Variants in EGFR observed in about 807,000 individuals in gnomAD.
The protein encoded by EGFR is avian erythroblastic leukemia viral (v-erb-b) oncogene homolog.
EGFR carries 58 observed loss-of-function variants against 143.0 expected under a neutral mutation model. The observed-to-expected ratio is 0.41, with a 90% CI of 0.33 to 0.50. The LOEUF (loss-of-function observed/expected upper bound fraction) is 0.50, where lower values mean the gene tolerates loss of function less well. Ranked by LOEUF, EGFR falls within the 20% of genes least tolerant of loss-of-function variation. The pLI, the probability that EGFR is intolerant of heterozygous loss-of-function variation, is 0.39. For synonymous variants in EGFR, 613 were observed against 594.4 expected (o/e 1.03, Z -0.45); for missense variants, 1,307 against 1,579.0 (o/e 0.83, Z 2.92).
At chr7:55,049,118 T>A (rs1230444406) in intron 1 of EGFR, among the ~76,000 whole-genome samples, 1 of 152,244 alleles carries the variant, frequency 6.6e-6, no homozygotes, top group East Asian at 1.9e-4. Flanking sequence ...ATTTTGCTGA[T>A]GCAATACAGT....
Position 55,192,758 on chromosome 7 carries a change from A to C in EGFR, c.2626-8A>C, listed in dbSNP as rs765007703. On this transcript the variant is annotated splice_polypyrimidine_tract_variant and splice_region_variant and intron_variant, in intron 21 of 27. Transcript: ENST00000275493. ...TTGTCTCACTGCCTCATCTCTCACCATCCCAAGGTGCCTATCAAGTGGATG... is the reference window on the plus strand; with the variant it reads ...TTGTCTCACTGCCTCATCTCTCACCCTCCCAAGGTGCCTATCAAGTGGATG... 5 of 1,613,892 alleles carry C rather than the reference A, an allele frequency of 3.1e-6. No individual in the cohort carries two copies. In the East Asian group the frequency reaches 1.1e-4, roughly 36 times the overall value.
intron 22 of EGFR, among the ~76,000 whole-genome samples, chr7:55,193,444 G>A (rs945590998): frequency 1.3e-5 from 2 of 152,070 alleles, no homozygotes; most frequent in African/African-American, 4.8e-5. Flanking sequence ...TCCTCACGAG[G>A]GCCGCTCTCC....
intron 20 of EGFR, among the ~76,000 whole-genome samples, chr7:55,190,269 C>T (rs769683791): frequency 6.6e-6 from 1 of 151,978 alleles, no homozygotes; most frequent in Non-Finnish European, 1.5e-5. Context: ...CCCGTAGGAG[C>T]GCTCTCGGCA....
At chr7:55,071,942 G>C (rs1239194991) in intron 1 of EGFR, among the ~76,000 whole-genome samples, 1 of 152,214 alleles carries the variant, frequency 6.6e-6, no homozygotes, top group Non-Finnish European at 1.5e-5. Context: ...ACCAACAGAA[G>C]ACAGCCAATA....
At chr7:55,068,891 G>A (rs1004966633) in intron 1 of EGFR, among the ~76,000 whole-genome samples, 10 of 152,180 alleles carry the variant, frequency 6.6e-5, no homozygotes, top group Admixed American at 3.3e-4. Context: ...GGACAGGGGT[G>A]AGTGGTGGGC....
rs1400416448 is a variant in EGFR at position 55,210,534 on chromosome 7, C to T, written c.*4917C>T. On this transcript the variant is annotated 3_prime_UTR_variant, in exon 28 of 28. Transcript: ENST00000275493. Reference sequence around the variant, plus strand: ...TCCAATGTGCGGCCAAAGTTGAGAACTACTGGCCTAGGGATTAGCCACAAG... The same window carrying T: ...TCCAATGTGCGGCCAAAGTTGAGAATTACTGGCCTAGGGATTAGCCACAAG... 6.6e-6 allele frequency: 1 copy of T among 152,186 alleles called. No homozygotes were observed. Among genetic ancestry groups the T allele is most frequent in the Non-Finnish European group, 1.5e-5 (1 of 68,042 alleles). 9.4% of individuals were successfully genotyped at this position (152,186 alleles called of 1,614,324 possible).
chr7:55,135,210 A>G (rs1480263133), intron 1 of EGFR, among the ~76,000 whole-genome samples: 3 of 151,954 alleles, frequency 2.0e-5, no homozygotes, highest in African/African-American at 7.3e-5. Flanking sequence ...TGGGGTTGGA[A>G]GTCCACCAGT....
intron 8 of EGFR, 79 bp downstream of exon 8, chr7:55,156,025 A>T: frequency 1.1e-6 from 1 of 941,716 alleles, no homozygotes. Flanking sequence ...CCAAAGGAAC[A>T]CATCTTCCTC....
intron 20 of EGFR, among the ~76,000 whole-genome samples, chr7:55,188,098 C>G (rs1189979955): frequency 2.6e-5 from 4 of 152,170 alleles, no homozygotes; most frequent in African/African-American, 7.2e-5. Flanking sequence ...GAACCTTAAG[C>G]CTCTTTCTGA....
At position 55,019,237 on chromosome 7, in the gene EGFR, A is replaced by G. The variant is rs1468052578; in HGVS notation, c.-41A>G. The G allele has an allele frequency of 3.5e-6, 5 of 1,427,958 alleles. No homozygotes were observed. The highest frequency in any genetic ancestry group is 4.7e-6 in the Non-Finnish European group (5 of 1,070,688). 88.5% of individuals were successfully genotyped at this position (1,427,958 alleles called of 1,614,324 possible). On this transcript the variant is annotated 5_prime_UTR_variant, in exon 1 of 28. Coordinates refer to ENST00000275493, the MANE Select transcript of EGFR (RefSeq NM_005228.5). Reference sequence around the variant, plus strand: ...GCACGGCCCCCTGACTCCGTCCAGTATTGATCGGGAGAGCCGGAGCGAGCT... The same window carrying G: ...GCACGGCCCCCTGACTCCGTCCAGTGTTGATCGGGAGAGCCGGAGCGAGCT...
intron 1 of EGFR, among the ~76,000 whole-genome samples, chr7:55,123,352 C>A (rs181195688): frequency 3.7e-4 from 56 of 152,296 alleles, no homozygotes; most frequent in South Asian, 1.2e-3. Context: ...AATTAATTTG[C>A]AAATTTTATT....
intron 1 of EGFR, among the ~76,000 whole-genome samples, chr7:55,105,790 A>G (rs1792091834): frequency 6.6e-6 from 1 of 152,250 alleles, no homozygotes; most frequent in Non-Finnish European, 1.5e-5. Context: ...ATTGTTCCAA[A>G]TGCATTAACT....
chr7:55,156,405 T>C, intron 8 of EGFR, 128 bp from the exon 9 acceptor site: 2 of 1,339,486 alleles, frequency 1.5e-6, no homozygotes, highest in Admixed American at 1.7e-5. Flanking sequence ...GTTGAGTGAA[T>C]GAAGGATGAT....
intron 1 of EGFR, chr7:55,110,035 G>A: frequency 1.3e-6 from 1 of 781,630 alleles, no homozygotes; most frequent in Non-Finnish European, 1.6e-6. Context: ...ATGTTGTTAT[G>A]AGGCATCACA....
intron 1 of EGFR, among the ~76,000 whole-genome samples, chr7:55,080,084 C>T (rs1438919981): frequency 6.6e-6 from 1 of 151,962 alleles, no homozygotes; most frequent in African/African-American, 2.4e-5. Flanking sequence ...CAAAGTATGT[C>T]CTGTGGTTTT....
intron 1 of EGFR, among the ~76,000 whole-genome samples, chr7:55,030,749 A>T (rs750511670): frequency 8.5e-5 from 13 of 152,246 alleles, no homozygotes; most frequent in Non-Finnish European, 1.5e-4. Context: ...AAACTTAAGA[A>T]ACAGTGTGGC....
chr7:55,149,657 A>G (rs1794933773), intron 4 of EGFR, among the ~76,000 whole-genome samples: 1 of 152,222 alleles, frequency 6.6e-6, no homozygotes, highest in African/African-American at 2.4e-5. Context: ...TGACCAATCA[A>G]TATCACATTT....
intron 6 of EGFR, among the ~76,000 whole-genome samples, 182 bp downstream of exon 6, chr7:55,152,846 C>A (rs915990618): frequency 1.3e-5 from 2 of 152,186 alleles, no homozygotes; most frequent in Admixed American, 6.5e-5. Flanking sequence ...CTCACTGAGA[C>A]CTTGGGAAAA....
At chr7:55,099,522 G>A (rs1028236772) in intron 1 of EGFR, among the ~76,000 whole-genome samples, 11 of 152,242 alleles carry the variant, frequency 7.2e-5, no homozygotes, top group Non-Finnish European at 1.5e-4. Flanking sequence ...CAGATGGAGG[G>A]GGGAATTCGG....
Sources: gnomAD v4.1 joint callset for allele counts (sites outside exome capture counted in the v4.1 genomes callset) on GRCh38, gnomAD v4.1.1 for gene constraint, MANE v1.5 for transcripts, NCBI Gene and HGNC (gene_info 2026-07-23, HGNC 2026-07-21) for gene names.